Variants in ADK observed in about 807,000 individuals in gnomAD.
The protein encoded by ADK is adenosine kinase.
Under a neutral mutation model 44.7 loss-of-function variants are expected in ADK, and 24 were observed. That is an observed-to-expected ratio of 0.54 (90% CI 0.39 to 0.76). The LOEUF is 0.76. Ranked by LOEUF, ADK falls within the 30% of genes least tolerant of loss-of-function variation. ADK has a pLI of 0.00. For missense variants in ADK, 321 were observed against 425.1 expected (o/e 0.76, Z 2.15); for synonymous variants, 128 against 142.6 (o/e 0.90, Z 0.73).
chr10:74,229,181 T>C (rs1270985743), intron 3 of ADK, among the ~76,000 whole-genome samples: 1 of 152,142 alleles, frequency 6.6e-6, no homozygotes, highest in African/African-American at 2.4e-5. Context: ...TTTACGATTA[T>C]GATGAGATGG....
At chr10:74,413,236 A>G (rs1385308927) in intron 6 of ADK, among the ~76,000 whole-genome samples, 1 of 147,348 alleles carries the variant, frequency 6.8e-6, no homozygotes, top group Non-Finnish European at 1.5e-5. Flanking sequence ...ATTAGCCCCT[A>G]AAAAAAAAAG....
intron 1 of ADK, among the ~76,000 whole-genome samples, chr10:74,187,537 A>C (rs905241450): frequency 6.6e-6 from 1 of 151,882 alleles, no homozygotes; most frequent in Non-Finnish European, 1.5e-5. Flanking sequence ...CTCTCTCTCT[A>C]AATATTTTCT....
At chr10:74,698,195 A>T (rs1589379246) in intron 10 of ADK, among the ~76,000 whole-genome samples, 1 of 152,238 alleles carries the variant, frequency 6.6e-6, no homozygotes, top group East Asian at 1.9e-4. Context: ...TGAGAGGCCC[A>T]GGTTGATACG....
chr10:74,614,806 A>C (rs1852688609), intron 9 of ADK, among the ~76,000 whole-genome samples: 1 of 152,122 alleles, frequency 6.6e-6, no homozygotes, highest in South Asian at 2.1e-4. Flanking sequence ...GTTTTTAGAA[A>C]CCTGTAACTG....
chr10:74,496,776 C>T (rs1186044575), intron 6 of ADK, among the ~76,000 whole-genome samples: 1 of 152,136 alleles, frequency 6.6e-6, no homozygotes, highest in Non-Finnish European at 1.5e-5. Flanking sequence ...GCCAGAAATA[C>T]TATCTTAAAA....
At chr10:74,322,746 T>C (rs930134408) in intron 4 of ADK, among the ~76,000 whole-genome samples, 2 of 151,720 alleles carry the variant, frequency 1.3e-5, no homozygotes, top group African/African-American at 4.8e-5. Context: ...TTCTCTCTCT[T>C]CTTCCCTTTA....
chr10:74,379,687 C>T (rs1213819039), intron 4 of ADK, among the ~76,000 whole-genome samples: 2 of 152,178 alleles, frequency 1.3e-5, no homozygotes, highest in Non-Finnish European at 2.9e-5. Context: ...TCACTCTTTA[C>T]CCAATCAGCT....
intron 7 of ADK, chr10:74,527,823 C>A (rs919388227): frequency 1.5e-6 from 2 of 1,296,526 alleles, no homozygotes; most frequent in Admixed American, 3.4e-5. Flanking sequence ...ATAGAGTGGC[C>A]CTCTTGCTTC....
At chr10:74,176,943 C>T (rs1208417972) in intron 1 of ADK, 2 of 1,602,334 alleles carry the variant, frequency 1.2e-6, no homozygotes, top group Non-Finnish European at 1.7e-6. Flanking sequence ...CTCCCGAGCG[C>T]GTGAGCACTG....
chr10:74,498,772 A>G (rs57790306), intron 6 of ADK, among the ~76,000 whole-genome samples: 3,138 of 152,232 alleles, frequency 0.021, 123 homozygotes, highest in African/African-American at 0.071. Context: ...GAGAACATGT[A>G]CACTATTCAC....
At chr10:74,197,722 A>AG (rs1843214711) in intron 1 of ADK, among the ~76,000 whole-genome samples, 2 of 151,034 alleles carry the variant, frequency 1.3e-5, no homozygotes, top group Admixed American at 6.6e-5. Flanking sequence ...AAAAAAAAAA[A>AG]GAACTGAGAC....
chr10:74,579,211 G>C lies in ADK; in HGVS notation c.727-10071G>C, dbSNP rs550399393. Among the ~76,000 whole-genome samples, 9 of 150,700 alleles carry C rather than the reference G, an allele frequency of 6.0e-5. No homozygotes were observed. In the East Asian group the frequency reaches 1.8e-3, roughly 30 times the overall value. On this transcript the variant is annotated intron_variant, in intron 7 of 10. Transcript: ENST00000539909. ...ATCATGCCACTGCACTCCAGCCTGG[G>C]CAACAGAGTGAGACCCTGTCTTAAA...
intron 5 of ADK, among the ~76,000 whole-genome samples, chr10:74,396,466 T>C (rs1346400906): frequency 1.3e-5 from 2 of 152,076 alleles, no homozygotes; most frequent in Non-Finnish European, 2.9e-5. Flanking sequence ...CCCAGGAGGT[T>C]GAGGCTGCAG....
intron 3 of ADK, among the ~76,000 whole-genome samples, chr10:74,231,013 A>G (rs185548646): frequency 6.6e-6 from 1 of 152,108 alleles, no homozygotes; most frequent in Non-Finnish European, 1.5e-5. Flanking sequence ...AGGGATTAAT[A>G]TCCATTGCAA....
intron 4 of ADK, among the ~76,000 whole-genome samples, chr10:74,382,243 T>G (rs1372177527): frequency 6.6e-6 from 1 of 152,086 alleles, no homozygotes; most frequent in East Asian, 1.9e-4. Context: ...GAACTACAGG[T>G]GCACACCACC....
At chr10:74,195,707 C>CTTTTTTTTTTTTTTTTTTTTTTTTTTTT (rs71475265) in intron 1 of ADK, among the ~76,000 whole-genome samples, 7 of 97,524 alleles carry the variant, frequency 7.2e-5, no homozygotes, top group South Asian at 3.4e-4. Flanking sequence ...TCTTTTCTTT[C>CTTTTTTTTTTTTTTTTTTTTTTTTTTTT]TTTTTTTTTT....
At chr10:74,332,366 A>C (rs114259839) in intron 4 of ADK, among the ~76,000 whole-genome samples, 1,613 of 152,296 alleles carry the variant, frequency 0.011, 28 homozygotes, top group African/African-American at 0.037. Flanking sequence ...AGCCATAGCT[A>C]TTCTAAGCCA....
At chr10:74,259,832 T>TAATATA (rs1234023746) in intron 3 of ADK, among the ~76,000 whole-genome samples, 1 of 152,200 alleles carries the variant, frequency 6.6e-6, no homozygotes, top group Non-Finnish European at 1.5e-5. Flanking sequence ...CTATACATGT[T>TAATATA]CATATTATTG....
At position 74,279,925 on chromosome 10, in the gene ADK, G is replaced by A. The variant is rs75898896; in HGVS notation, c.195-34742G>A. On this transcript the variant is annotated intron_variant, in intron 3 of 10. Coordinates refer to ENST00000539909, the MANE Select transcript of ADK (RefSeq NM_006721.4). ...TACTTGTAGTCCCAGCTATTCAGAA[G>A]GCTCAGGGAGGAGGATCACTTGAGC... Among the ~76,000 whole-genome samples, 83 of 152,096 alleles carry A rather than the reference G, an allele frequency of 5.5e-4. 1 individual carries two copies. The East Asian group carries it at 0.013, about 23-fold the overall frequency.
Sources: gnomAD v4.1 joint callset for allele counts (sites outside exome capture counted in the v4.1 genomes callset) on GRCh38, gnomAD v4.1.1 for gene constraint, MANE v1.5 for transcripts, NCBI Gene and HGNC (gene_info 2026-07-23, HGNC 2026-07-21) for gene names.